The following CNNM1 variants were observed in gnomAD, a reference collection of about 807,000 sequenced individuals.
CNNM1 encodes the protein metal transporter CNNM1.
In CNNM1, 44 loss-of-function variants were observed where a neutral mutation model predicts 78.8. That is an observed-to-expected ratio of 0.56 (90% CI 0.44 to 0.72). CNNM1 has a LOEUF of 0.72. CNNM1 is among the 30% of genes least tolerant of loss of function. The pLI is 0.00. For synonymous variants in CNNM1, 584 were observed against 581.5 expected (o/e 1.00, Z -0.06); for missense variants, 1,101 against 1,292.2 (o/e 0.85, Z 2.27).
chr10:99,346,542 T>C (rs1362271640), intron 1 of CNNM1, among the ~76,000 whole-genome samples: 1 of 152,204 alleles, frequency 6.6e-6, no homozygotes, highest in African/African-American at 2.4e-5. Flanking sequence ...CTGTCTACTC[T>C]CATTCCCTCG....
At position 99,329,445 on chromosome 10, in the gene CNNM1, A is replaced by T; in HGVS notation, c.58A>T (p.Ser20Cys). 7.7e-7 allele frequency: 1 copy of T among 1,302,390 alleles called. No homozygotes were observed. Among genetic ancestry groups the T allele is most frequent in the Non-Finnish European group, 1.0e-6 (1 of 957,228 alleles). 80.7% of individuals were successfully genotyped at this position (1,302,390 alleles called of 1,614,324 possible). The change falls in exon 1 of 11, where the codon AGC becomes TGC. Residue 20 changes from serine (S) to cysteine (C), a missense_variant. This residue lies in a region of CNNM1 where 476 missense variants were observed against 484.5 expected (regional missense o/e 0.98). Transcript: ENST00000356713. ...GGGTGTCAGGCTCCGGGACTGCTGC[A>T]GCCGAGGCGCTGTGCTCCTGCTCTT... The part of the protein sequence containing the change: ...AVGVRLRDCC[S>C]RGAVLLLFFS...
intron 7 of CNNM1, among the ~76,000 whole-genome samples, chr10:99,385,562 C>A (rs1049239520): frequency 3.3e-5 from 5 of 152,070 alleles, no homozygotes; most frequent in Non-Finnish European, 2.9e-5. Context: ...AAATGTATGC[C>A]CATTATAAAG....
At chr10:99,369,124 G>T (rs894027152) in intron 6 of CNNM1, among the ~76,000 whole-genome samples, 3 of 152,046 alleles carry the variant, frequency 2.0e-5, no homozygotes, top group Admixed American at 6.5e-5. Context: ...AGCTCTGCTC[G>T]TACAAAGGAT....
chr10:99,339,561 C>T (rs61870933), intron 1 of CNNM1, among the ~76,000 whole-genome samples: 6,768 of 152,276 alleles, frequency 0.044, 219 homozygotes, highest in Non-Finnish European at 0.067. Context: ...ACTGCATATG[C>T]AAGGAATCTA....
chr10:99,391,591 C>A lies in CNNM1; in HGVS notation c.*75C>A, dbSNP rs1182600015. The A allele has an allele frequency of 5.4e-6, 7 of 1,297,002 alleles. No homozygotes were observed. The highest frequency in any genetic ancestry group is 7.7e-6 in the Non-Finnish European group (7 of 906,170). The allele number at this position is 1,297,002 out of a possible 1,614,324, so 80.3% of individuals were successfully genotyped here. On this transcript the variant is annotated 3_prime_UTR_variant, in exon 11 of 11. Transcript: ENST00000356713. The stretch of plus-strand genomic sequence containing the variant: ...GGAGAATCCACCCTCCCATCATCTG[C>A]TTCCCCCAAGGCCTCCCACAGGTGA...
At chr10:99,386,990 G>A (rs1268642168) in intron 7 of CNNM1, among the ~76,000 whole-genome samples, 2 of 152,288 alleles carry the variant, frequency 1.3e-5, no homozygotes, top group East Asian at 3.9e-4. Context: ...AGTGCCAGCC[G>A]CTGATGAGTG....
At chr10:99,334,999 A>G (rs1409998546) in intron 1 of CNNM1, among the ~76,000 whole-genome samples, 1 of 152,238 alleles carries the variant, frequency 6.6e-6, no homozygotes, top group Non-Finnish European at 1.5e-5. Context: ...CTACATCTGT[A>G]GGACCCGAAA....
In CNNM1 at chr10:99,387,816, C is replaced by T; in HGVS notation, c.2341-4C>T. The T allele has an allele frequency of 6.3e-7, 1 of 1,589,904 alleles. No individual in the cohort carries two copies. Among genetic ancestry groups the T allele is most frequent in the East Asian group, 2.2e-5 (1 of 44,616 alleles). ...CTCCTAAGCTCCTGCCCTCTTCCTT[C>T]CAGATCACACGGCAGCAATATCAGA... On this transcript the variant is annotated splice_polypyrimidine_tract_variant and splice_region_variant and intron_variant, in intron 7 of 10. Coordinates refer to ENST00000356713, the MANE Select transcript of CNNM1 (RefSeq NM_020348.3).
Position 99,384,349 on chromosome 10 carries a change from A to T in CNNM1, c.2341-3471A>T, listed in dbSNP as rs531774727. Among the ~76,000 whole-genome samples the T allele has an allele frequency of 1.9e-3, 291 of 152,254 alleles. 1 individual carries two copies. Among genetic ancestry groups the T allele is most frequent in the African/African-American group, 5.1e-3 (211 of 41,548 alleles). ...GCAGGAGTTCATGATTTAAAAAAAA[A>T]TTTTTTTTAAAAAGAGAGCTGTGTG... On this transcript the variant is annotated intron_variant, in intron 7 of 10. Coordinates refer to ENST00000356713, the MANE Select transcript of CNNM1 (RefSeq NM_020348.3).
chr10:99,333,047 C>T (rs1373466200), intron 1 of CNNM1, among the ~76,000 whole-genome samples: 5 of 152,104 alleles, frequency 3.3e-5, no homozygotes, highest in Non-Finnish European at 7.4e-5. Flanking sequence ...AGGTTTGGTT[C>T]CTTCTGAGGC....
chr10:99,380,630 A>C (rs1002483827), intron 7 of CNNM1, among the ~76,000 whole-genome samples: 1 of 152,072 alleles, frequency 6.6e-6, no homozygotes. Context: ...GTTTCTACTA[A>C]AAATACAAAA....
At position 99,329,631 on chromosome 10, in the gene CNNM1, G is replaced by A; in HGVS notation, c.244G>A (p.Ala82Thr). The change falls in exon 1 of 11, where the codon GCC becomes ACC. Residue 82 changes from alanine (A) to threonine (T), a missense_variant. This residue lies in a region of CNNM1 where 476 missense variants were observed against 484.5 expected (regional missense o/e 0.98). Coordinates refer to ENST00000356713, the MANE Select transcript of CNNM1 (RefSeq NM_020348.3). ...TGTCTATTTCCAGCCAGGACCGCCG[G>A]CCACCGCCGCACCGGTGCCCTCACC... ...LRVYFQPGPP[A>T]TAAPVPSPTL... 1 of 1,507,632 alleles carries A rather than the reference G, an allele frequency of 6.6e-7. No individual in the cohort carries two copies. The highest frequency in any genetic ancestry group is 2.0e-4 in the Middle Eastern group (1 of 4,894). The allele number at this position is 1,507,632 out of a possible 1,614,324, so 93.4% of individuals were successfully genotyped here.
chr10:99,342,812 A>G (rs1284223678), intron 1 of CNNM1, among the ~76,000 whole-genome samples: 5 of 152,168 alleles, frequency 3.3e-5, no homozygotes, highest in Non-Finnish European at 7.3e-5. Context: ...CTCTAACAGC[A>G]CTGTTAAAAT....
At chr10:99,380,184 C>G (rs1264563269) in intron 7 of CNNM1, among the ~76,000 whole-genome samples, 1 of 152,062 alleles carries the variant, frequency 6.6e-6, no homozygotes, top group African/African-American at 2.4e-5. Flanking sequence ...ACCCTTATAT[C>G]CTAATCACCT....
rs185853822 is a variant in CNNM1 at position 99,350,701 on chromosome 10, C to T, written c.1574-6811C>T. On this transcript the variant is annotated intron_variant, in intron 1 of 10. Transcript: ENST00000356713. ...TGTGTAGGTTTGTTACATAGGTAAA[C>T]GTGTGCCATGATGGTTTGCTGCACC... 5.3e-4 allele frequency among the ~76,000 whole-genome samples: 81 copies of T among 152,168 alleles called. 1 individual carries two copies. Among genetic ancestry groups the T allele is most frequent in the South Asian group, 2.1e-4 (1 of 4,818 alleles).
At chr10:99,359,069 CATTCACACT>C (rs1306889244) in intron 2 of CNNM1, among the ~76,000 whole-genome samples, 1 of 141,410 alleles carries the variant, frequency 7.1e-6, no homozygotes, top group African/African-American at 2.6e-5. Flanking sequence ...CTAGTGAAGC[CATTCACACT>C]AAGGTGTTAG....
At position 99,329,532 on chromosome 10, in the gene CNNM1, G is replaced by C. The variant is rs1850546950; in HGVS notation, c.145G>C (p.Asp49His). The change falls in exon 1 of 11, where the codon GAC (aspartate) becomes CAC (histidine). Residue 49 changes from aspartate to histidine, a missense_variant. By Grantham distance (81) the Asp-to-His change is moderately conservative. Around this residue, in one of 3 missense-constraint regions of CNNM1, gnomAD observed 476 missense variants for 484.5 expected, o/e 0.98. Coordinates refer to ENST00000356713, the MANE Select transcript of CNNM1 (RefSeq NM_020348.3). ...AAWLLGLRPE[D>H]TAGGRVSLEG... ...CTGGCTGCTGGGCCTGCGGCCCGAG[G>C]ACACTGCTGGAGGCCGCGTGTCCCT... 3 of 1,514,682 alleles carry C rather than the reference G, an allele frequency of 2.0e-6. No individual in the cohort carries two copies. Among genetic ancestry groups the C allele is most frequent in the Non-Finnish European group, 2.6e-6 (3 of 1,140,048 alleles). 93.8% of individuals were successfully genotyped at this position (1,514,682 alleles called of 1,614,324 possible).
rs748198854 is a variant in CNNM1 at position 99,330,928 on chromosome 10, G to A, written c.1541G>A (p.Arg514Gln). The change falls in exon 1 of 11, where the codon CGA (arginine) becomes CAA (glutamine). Residue 514 changes from arginine to glutamine, a missense_variant. This residue lies in a region of CNNM1 where 277 missense variants were observed against 423.2 expected (regional missense o/e 0.65). Coordinates refer to ENST00000356713, the MANE Select transcript of CNNM1 (RefSeq NM_020348.3). Reference protein sequence around the residue: ...RPLHCVFNDTRLDTVLEEFKK... With the variant: ...RPLHCVFNDTQLDTVLEEFKK... ...CTGCATTGTGTTTTCAATGACACCC[G>A]ACTGGACACGGTTCTGGAGGAGTTT... 9 of 1,613,578 alleles carry A rather than the reference G, an allele frequency of 5.6e-6. No homozygotes were observed. The East Asian group carries it at 2.0e-4, about 36-fold the overall frequency.
At chr10:99,357,307 GA>G (rs1206862321) in intron 1 of CNNM1, among the ~76,000 whole-genome samples, 1 of 152,102 alleles carries the variant, frequency 6.6e-6, no homozygotes, top group Admixed American at 6.5e-5. Flanking sequence ...TCCCTAAATA[GA>G]AACACAAATC....
Sources: gnomAD v4.1 joint callset for allele counts (sites outside exome capture counted in the v4.1 genomes callset) on GRCh38, gnomAD v4.1.1 for gene constraint, gnomAD v4.1.1 regional missense constraint, MANE v1.5 for transcripts, NCBI Gene and HGNC (gene_info 2026-07-23, HGNC 2026-07-21) for gene names.